HRG: variants seen among roughly 807,000 people sequenced by gnomAD.
The protein encoded by HRG is histidine rich glycoprotein, also known as histidine-rich glycoprotein.
A neutral mutation model predicts 29.5 loss-of-function variants in HRG; 26 were observed. That is an observed-to-expected ratio of 0.88 (90% CI 0.65 to 1.22). HRG has a LOEUF of 1.22. Ranked by LOEUF, HRG falls within the 50% of genes most tolerant of loss-of-function variation. The pLI, the probability that HRG is intolerant of heterozygous loss-of-function variation, is 0.00. For missense variants in HRG, 671 were observed against 654.5 expected, an observed-to-expected ratio of 1.03 and a Z score of -0.28; for synonymous variants, 243 against 240.4, an observed-to-expected ratio of 1.01 and a Z score of -0.10.
rs1208482817 is a variant in HRG, at chr3:186,677,038, C to G, written c.742-9C>G. The G allele has an allele frequency of 2.5e-6, 4 of 1,613,884 alleles. No individual in the cohort carries two copies. In the African/African-American group the frequency reaches 5.3e-5, roughly 22 times the overall value. On this transcript the variant is annotated splice_polypyrimidine_tract_variant and intron_variant, in intron 6 of 6. Coordinates refer to ENST00000232003, the MANE Select transcript of HRG (RefSeq NM_000412.5). ...ATGATGATAGGCACTTTTCTGTGACCTTTTCCAGGAACATGAGAACATCAA... is the reference window on the plus strand; with the variant it reads ...ATGATGATAGGCACTTTTCTGTGACGTTTTCCAGGAACATGAGAACATCAA...
At chr3:186,668,231 G>T (rs2108572549) in intron 1 of HRG, among the ~76,000 whole-genome samples, 1 of 152,288 alleles carries the variant, frequency 6.6e-6, no homozygotes, top group East Asian at 1.9e-4. Flanking sequence ...TGAGGCAAGA[G>T]ACAGGGACAT....
At chr3:186,674,809 G>A (rs1310731879) in intron 5 of HRG, 1 of 408,454 alleles carries the variant, frequency 2.4e-6, no homozygotes, top group Non-Finnish European at 4.6e-6. Context: ...CAGCAATGAT[G>A]TGGTTTTCCT....
intron 1 of HRG, among the ~76,000 whole-genome samples, chr3:186,668,053 A>G (rs1256685990): frequency 1.3e-5 from 2 of 152,154 alleles, no homozygotes; most frequent in Non-Finnish European, 2.9e-5. Flanking sequence ...GTTGCAGAGA[A>G]CAGGTGTGCA....
chr3:186,670,324 G>A (rs190627763), intron 3 of HRG, among the ~76,000 whole-genome samples: 1 of 152,272 alleles, frequency 6.6e-6, no homozygotes, highest in East Asian at 1.9e-4. Context: ...AGGCTTTGGA[G>A]TCAGGCTTGC....
At chr3:186,666,388 T>C (rs114636749) in intron 1 of HRG, among the ~76,000 whole-genome samples, 174 bp downstream of exon 1, 1,995 of 152,290 alleles carry the variant, frequency 0.013, 38 homozygotes, top group African/African-American at 0.041. Context: ...TATTTGTTAT[T>C]AGTGTACCCG....
intron 6 of HRG, among the ~76,000 whole-genome samples, chr3:186,676,684 G>C (rs1465092442): frequency 6.6e-6 from 1 of 151,880 alleles, no homozygotes; most frequent in Non-Finnish European, 1.5e-5. Flanking sequence ...ATGGTGGCTT[G>C]GGCGTGTAGT....
chr3:186,677,298 T>C lies in HRG; in HGVS notation c.993T>C (p.Thr331=). The change falls in exon 7 of 7, where the codon ACT becomes ACC. Residue 331 remains threonine, a synonymous_variant. Coordinates refer to ENST00000232003, the MANE Select transcript of HRG (RefSeq NM_000412.5). ...CCTGCTCAAGTTGTCAACATGCCACTTTTGGCACAAATGGGGCCCAAAGAC... is the reference window on the plus strand; with the variant it reads ...CCTGCTCAAGTTGTCAACATGCCACCTTTGGCACAAATGGGGCCCAAAGAC... The part of the protein sequence containing the change: ...PMSCSSCQHA[T]FGTNGAQRHS... 6.2e-7 allele frequency: 1 copy of C among 1,614,134 alleles called. No individual in the cohort carries two copies. Among genetic ancestry groups the C allele is most frequent in the Non-Finnish European group, 8.5e-7 (1 of 1,180,020 alleles).
At chr3:186,667,486 C>T (rs571239478) in intron 1 of HRG, among the ~76,000 whole-genome samples, 22 of 152,108 alleles carry the variant, frequency 1.4e-4, no homozygotes, top group Non-Finnish European at 2.6e-4. Context: ...GGACTCAGCA[C>T]GCCAAAAGTA....
chr3:186,677,678 T>G lies in HRG; in HGVS notation c.1373T>G (p.Val458Gly). The change falls in exon 7 of 7, where the codon GTG becomes GGG. Residue 458 changes from valine (V) to glycine (G), a missense_variant. By Grantham distance (109) the Val-to-Gly change is moderately radical. Transcript: ENST00000232003. ...RPFHCRQIGSVYRLPPLRKGE... is the reference protein window; with the variant it reads ...RPFHCRQIGSGYRLPPLRKGE... ...TTCCATTGCAGACAAATTGGATCTG[T>G]GTACCGACTCCCTCCTCTAAGAAAA... 1 of 1,613,390 alleles carries G rather than the reference T, an allele frequency of 6.2e-7. No homozygotes were observed. Among genetic ancestry groups the G allele is most frequent in the Non-Finnish European group, 8.5e-7 (1 of 1,179,352 alleles).
rs747925894 is a variant in HRG at position 186,677,902 on chromosome 3, A to G, written c.*19A>G. On this transcript the variant is annotated 3_prime_UTR_variant, in exon 7 of 7. Transcript: ENST00000232003. Reference sequence around the variant, plus strand: ...AAAATAAAATGTGATTCCTTTGAAGAGGAAAATGAATAATACATTGAATTA... The same window carrying G: ...AAAATAAAATGTGATTCCTTTGAAGGGGAAAATGAATAATACATTGAATTA... 6.3e-7 allele frequency: 1 copy of G among 1,596,600 alleles called. No homozygotes were observed. The highest frequency in any genetic ancestry group is 8.6e-7 in the Non-Finnish European group (1 of 1,164,242).
rs140010651 is a variant in HRG at position 186,675,133 on chromosome 3, C to T, written c.684C>T (p.Ala228=). 1 of 1,613,982 alleles carries T rather than the reference C, an allele frequency of 6.2e-7. No homozygotes were observed. The highest frequency in any genetic ancestry group is 1.3e-5 in the African/African-American group (1 of 75,024). ...CRADLFYDVE[A]LDLESPKNLV... The stretch of plus-strand genomic sequence containing the variant: ...CAGATTTGTTCTATGATGTAGAAGC[C>T]TTGGACTTGGAAAGCCCGAAAAACC... Residue 228 remains alanine (A), a synonymous_variant, in exon 6 of 7, where the codon GCC becomes GCT. Transcript: ENST00000232003.
intron 5 of HRG, 96 bp downstream of exon 5, chr3:186,672,963 G>A (rs1397226549): frequency 1.2e-6 from 1 of 832,564 alleles, no homozygotes; most frequent in Non-Finnish European, 2.1e-6. Context: ...GGAAGGAGAA[G>A]AAGGAGAAGA....
At chr3:186,670,852 A>G (rs534479195) in intron 3 of HRG, among the ~76,000 whole-genome samples, 1 of 152,096 alleles carries the variant, frequency 6.6e-6, no homozygotes, top group East Asian at 1.9e-4. Context: ...CAGCCTCCAT[A>G]CCCTTTTAAT....
At chr3:186,673,002 GAGA>G (rs2108578576) in intron 5 of HRG, 135 bp downstream of exon 5, 1 of 718,424 alleles carries the variant, frequency 1.4e-6, no homozygotes, top group Non-Finnish European at 2.5e-6. Flanking sequence ...TGAGGAGGAG[GAGA>G]AGGAGGAAGA....
chr3:186,669,938 G>T lies in HRG; in HGVS notation c.301G>T (p.Val101Leu). 2 of 1,547,616 alleles carry T rather than the reference G, an allele frequency of 1.3e-6. No homozygotes were observed. The highest frequency in any genetic ancestry group is 1.8e-6 in the Non-Finnish European group (2 of 1,121,144). Reference sequence around the variant, plus strand: ...GTCCTCAAGAGCCTCTTTCTTACAGGTGATCGGACAATGTAAGGTAATAGC... The same window carrying T: ...GTCCTCAAGAGCCTCTTTCTTACAGTTGATCGGACAATGTAAGGTAATAGC... The part of the protein sequence containing the change: ...PPDSRRPSEI[V>L]IGQCKVIATR... The change falls in exon 3 of 7, where the codon GTG (valine) becomes TTG (leucine). Residue 101 changes from valine (V) to leucine (L), a missense_variant and splice_region_variant. Val to Leu is a conservative substitution (Grantham distance 32). Transcript: ENST00000232003.
At chr3:186,673,538 A>G (rs905073747) in intron 5 of HRG, 7 of 159,712 alleles carry the variant, frequency 4.4e-5, no homozygotes, top group African/African-American at 1.7e-4. Context: ...TTTATAATAT[A>G]CATGATATAT....
rs370234178 is a variant in HRG at position 186,669,038 on chromosome 3, G to T, written c.287G>T (p.Arg96Leu). 9 of 1,587,776 alleles carry T rather than the reference G, an allele frequency of 5.7e-6. No homozygotes were observed. The highest frequency in any genetic ancestry group is 2.7e-5 in the African/African-American group (2 of 74,442). Residue 96 changes from arginine to leucine, a missense_variant, in exon 2 of 7, where the codon CGT (arginine) becomes CTT (leucine). Arg to Leu is a moderately radical substitution (Grantham distance 102). Coordinates refer to ENST00000232003, the MANE Select transcript of HRG (RefSeq NM_000412.5). ...WNDCEPPDSR[R>L]PSEIVIGQCK... is the part of the protein sequence containing the mutation. The stretch of plus-strand genomic sequence containing the variant: ...GACTGTGAGCCACCTGATTCCAGAC[G>T]TCCATCTGAAATAGTAAGTAAAGAG...
intron 2 of HRG, chr3:186,669,489 A>C: frequency 3.0e-6 from 1 of 334,246 alleles, no homozygotes; most frequent in South Asian, 2.9e-5. Flanking sequence ...TGCAGTGAGG[A>C]ATTGGGTCTT....
intron 1 of HRG, among the ~76,000 whole-genome samples, chr3:186,667,610 A>C (rs750231541): frequency 2.0e-5 from 3 of 151,916 alleles, no homozygotes; most frequent in Non-Finnish European, 4.4e-5. Context: ...GGATGGGAGG[A>C]GGCTTCTGCT....
Sources: allele counts gnomAD v4.1 joint callset (sites outside exome capture counted in the v4.1 genomes callset), GRCh38; gene constraint gnomAD v4.1.1; transcripts MANE v1.5; gene names NCBI Gene and HGNC (gene_info 2026-07-23, HGNC 2026-07-21).